Variants in CENPW observed in about 807,000 individuals in gnomAD.
CENPW encodes cancer-up-regulated gene 2 protein.
In CENPW, 3 loss-of-function variants were observed where a neutral mutation model predicts 11.1. That is an observed-to-expected ratio of 0.27 (90% CI 0.12 to 0.70). CENPW has a LOEUF of 0.70. Among genes scored for constraint, CENPW ranks in the 30% least tolerant of loss-of-function variants. The pLI is 0.77. For synonymous variants in CENPW, 38 were observed against 42.0 expected (o/e 0.91, Z 0.37); for missense variants, 100 against 105.6 (o/e 0.95, Z 0.23).
At chr6:126,434,709 G>T in the CENPW span, among the ~76,000 whole-genome samples, 1 of 151,820 alleles carries the variant, frequency 6.6e-6, no homozygotes, top group Admixed American at 6.6e-5. Context: ...GTAAAACATT[G>T]CTATTAACTT....
At chr6:126,428,757 T>C in the CENPW span, among the ~76,000 whole-genome samples, 1 of 152,344 alleles carries the variant, frequency 6.6e-6, no homozygotes, top group Admixed American at 6.5e-5. Context: ...CTTGATCCAA[T>C]GTAGGACCAA....
chr6:126,358,085 ATTTG>A, the CENPW span, among the ~76,000 whole-genome samples: 10 of 152,160 alleles, frequency 6.6e-5, no homozygotes, highest in African/African-American at 1.9e-4. Context: ...ACTTTGCTAA[ATTTG>A]TTTGTCACTT....
chr6:126,462,509 TTCTCTC>T, the CENPW span, among the ~76,000 whole-genome samples: 64 of 140,092 alleles, frequency 4.6e-4, no homozygotes, highest in East Asian at 8.3e-3. Flanking sequence ...CTTCTTTTCT[TTCTCTC>T]TCTCTCTCTC....
chr6:126,373,597 A>G, the CENPW span, among the ~76,000 whole-genome samples: 18 of 152,182 alleles, frequency 1.2e-4, no homozygotes, highest in Admixed American at 1.2e-3. Flanking sequence ...CAATCAAATC[A>G]TAGCTAGGCT....
the CENPW span, among the ~76,000 whole-genome samples, chr6:126,370,588 G>C: frequency 6.6e-6 from 1 of 152,070 alleles, no homozygotes; most frequent in Non-Finnish European, 1.5e-5. Context: ...GTGTAGCAGA[G>C]CTACTGATTT....
chr6:126,441,022 T>C, the CENPW span, among the ~76,000 whole-genome samples: 1 of 151,492 alleles, frequency 6.6e-6, no homozygotes, highest in African/African-American at 2.4e-5. Flanking sequence ...AGAAGACTAA[T>C]GTCACACTTC....
the CENPW span, among the ~76,000 whole-genome samples, chr6:126,387,388 T>G: frequency 6.6e-6 from 1 of 152,064 alleles, no homozygotes; most frequent in East Asian, 1.9e-4. Flanking sequence ...TTTTGGAAAT[T>G]ATATCCCAAT....
At chr6:126,366,091 T>G in the CENPW span, among the ~76,000 whole-genome samples, 2 of 152,328 alleles carry the variant, frequency 1.3e-5, no homozygotes, top group East Asian at 3.9e-4. Context: ...AAGTCAACTA[T>G]GAAAATAAAG....
At chr6:126,397,033 G>T in the CENPW span, among the ~76,000 whole-genome samples, 1 of 151,956 alleles carries the variant, frequency 6.6e-6, no homozygotes, top group Non-Finnish European at 1.5e-5. Flanking sequence ...GGTATGGGTG[G>T]TGCAAGTACT....
chr6:126,426,115 A>G, the CENPW span, among the ~76,000 whole-genome samples: 1 of 152,116 alleles, frequency 6.6e-6, no homozygotes, highest in Non-Finnish European at 1.5e-5. Flanking sequence ...TAGACACAAC[A>G]TGAAGTGGCT....
downstream of CENPW, among the ~76,000 whole-genome samples, chr6:126,349,817 T>C (rs559302476): frequency 6.6e-6 from 1 of 152,202 alleles, no homozygotes; most frequent in African/African-American, 2.4e-5. Context: ...CCTGGGAGTT[T>C]TATTCTGAGT....
chr6:126,406,124 T>A, the CENPW span, among the ~76,000 whole-genome samples: 17 of 152,280 alleles, frequency 1.1e-4, no homozygotes, highest in Admixed American at 1.1e-3. Context: ...TTGAAGTACA[T>A]CCTTTCTATA....
chr6:126,446,276 T>A, the CENPW span, among the ~76,000 whole-genome samples: 2 of 151,078 alleles, frequency 1.3e-5, no homozygotes, highest in Non-Finnish European at 3.0e-5. Flanking sequence ...GAACCCAGAA[T>A]ACATGCAGTT....
At chr6:126,447,339 T>A in the CENPW span, among the ~76,000 whole-genome samples, 1 of 151,134 alleles carries the variant, frequency 6.6e-6, no homozygotes. Flanking sequence ...AGGAGAGAAT[T>A]GTTTTTTGAA....
chr6:126,401,698 ATTTGGGT>A, the CENPW span, among the ~76,000 whole-genome samples: 1 of 151,864 alleles, frequency 6.6e-6, no homozygotes, highest in African/African-American at 2.4e-5. Flanking sequence ...GGGGTTGGGC[ATTTGGGT>A]TTTTCCTGTA....
the CENPW span, among the ~76,000 whole-genome samples, chr6:126,456,431 T>A: frequency 6.6e-6 from 1 of 150,804 alleles, no homozygotes; most frequent in Non-Finnish European, 1.5e-5. Flanking sequence ...TTTGACAGAG[T>A]CAACAAAAAC....
the CENPW span, among the ~76,000 whole-genome samples, chr6:126,472,318 C>T: frequency 6.6e-6 from 1 of 152,182 alleles, no homozygotes; most frequent in Non-Finnish European, 1.5e-5. Context: ...TCTCTCTGCT[C>T]TGGCCCAACC....
chr6:126,364,605 G>T, the CENPW span, among the ~76,000 whole-genome samples: 1 of 151,960 alleles, frequency 6.6e-6, no homozygotes, highest in African/African-American at 2.4e-5. Context: ...TCCATTTCTG[G>T]TGTTATCCCT....
At chr6:126,417,530 C>T in the CENPW span, among the ~76,000 whole-genome samples, 1 of 152,214 alleles carries the variant, frequency 6.6e-6, no homozygotes, top group Non-Finnish European at 1.5e-5. Flanking sequence ...GTGGGATGGG[C>T]CCAGTGGGAG....
Sources: gnomAD v4.1 joint callset for allele counts (sites outside exome capture counted in the v4.1 genomes callset) on GRCh38, gnomAD v4.1.1 for gene constraint, MANE v1.5 for transcripts, NCBI Gene and HGNC (gene_info 2026-07-23, HGNC 2026-07-21) for gene names.